Variants in TRIM14 observed in about 807,000 individuals in gnomAD.
TRIM14 encodes the protein tripartite motif containing 14, also known as tripartite motif-containing protein 14.
TRIM14 carries 28 observed loss-of-function variants against 44.5 expected under a neutral mutation model. The observed-to-expected ratio is 0.63, with a 90% CI of 0.47 to 0.86. The LOEUF (loss-of-function observed/expected upper bound fraction) is 0.86. Among genes scored for constraint, TRIM14 ranks in the 40% least tolerant of loss-of-function variants. The probability of loss-of-function intolerance (pLI) is 0.00; values close to 1 mark genes in which losing one functional copy is unlikely to be tolerated. For missense variants in TRIM14, 607 were observed against 611.1 expected (o/e 0.99, Z 0.07); for synonymous variants, 299 against 269.2 (o/e 1.11, Z -1.08).
the TRIM14 span, among the ~76,000 whole-genome samples, chr9:98,049,932 C>G: frequency 1.3e-5 from 2 of 152,190 alleles, no homozygotes; most frequent in Admixed American, 1.3e-4. Context: ...GATCAATGAG[C>G]AAGTCACGAA....
At chr9:98,108,984 C>CT (rs1166271683) in intron 2 of TRIM14, among the ~76,000 whole-genome samples, 2 of 150,388 alleles carry the variant, frequency 1.3e-5, no homozygotes, top group Non-Finnish European at 2.9e-5. Context: ...CTCAAGCGAT[C>CT]TTCCCACCCC....
chr9:98,094,344 G>T (rs756936431), intron 4 of TRIM14, among the ~76,000 whole-genome samples: 3 of 152,196 alleles, frequency 2.0e-5, no homozygotes, highest in Non-Finnish European at 4.4e-5. Context: ...CCCTTCACGT[G>T]CTTACAAGGG....
chr9:98,067,783 G>A (rs1036560295), downstream of TRIM14, among the ~76,000 whole-genome samples: 1 of 151,460 alleles, frequency 6.6e-6, no homozygotes, highest in Admixed American at 6.6e-5. Flanking sequence ...GCAGAGTGGT[G>A]CAATATCGGC....
chr9:98,041,969 C>T, the TRIM14 span, among the ~76,000 whole-genome samples: 5 of 151,714 alleles, frequency 3.3e-5, no homozygotes, highest in African/African-American at 1.2e-4. Context: ...AGGCAAGAGC[C>T]ACCGCGCCTG....
At chr9:98,043,073 T>A in the TRIM14 span, among the ~76,000 whole-genome samples, 1 of 152,140 alleles carries the variant, frequency 6.6e-6, no homozygotes, top group Non-Finnish European at 1.5e-5. Context: ...TAGAAGTACA[T>A]CTTATAGACT....
At chr9:98,115,878 C>T (rs1262165496) in intron 1 of TRIM14, 2 of 151,902 alleles carry the variant, frequency 1.3e-5, no homozygotes, top group Non-Finnish European at 2.9e-5. Flanking sequence ...TAAGAAGACC[C>T]TTGGGGGCCA....
At position 98,092,007 on chromosome 9, in the gene TRIM14, A is replaced by C. The variant is rs1826012385; in HGVS notation, c.701-6T>G. On this transcript the variant is annotated splice_polypyrimidine_tract_variant and splice_region_variant and intron_variant, in intron 4 of 5. Coordinates refer to ENST00000341469, the MANE Select transcript of TRIM14 (RefSeq NM_014788.4). ...TGAGAGCTGGCAGTTTATGCCTGTA[A>C]GGAATTGTTGAGAAATGAGCGCCCG... 6.2e-7 allele frequency: 1 copy of C among 1,602,508 alleles called. No homozygotes were observed. Among genetic ancestry groups the C allele is most frequent in the Non-Finnish European group, 8.5e-7 (1 of 1,172,966 alleles).
At chr9:98,093,855 C>T (rs1468098121) in intron 4 of TRIM14, among the ~76,000 whole-genome samples, 1 of 152,158 alleles carries the variant, frequency 6.6e-6, no homozygotes, top group East Asian at 1.9e-4. Context: ...AAGCAATTCT[C>T]CTGCCTCAGC....
chr9:98,063,839 A>G, the TRIM14 span, among the ~76,000 whole-genome samples: 7 of 150,686 alleles, frequency 4.6e-5, no homozygotes, highest in South Asian at 4.2e-4. Context: ...CACTGCACCC[A>G]GCCTGTTTTT....
downstream of TRIM14, among the ~76,000 whole-genome samples, chr9:98,069,080 A>G (rs1478370901): frequency 6.6e-6 from 1 of 152,146 alleles, no homozygotes; most frequent in Non-Finnish European, 1.5e-5. Context: ...ACCAGTTGTC[A>G]TTTGGTAATT....
At chr9:98,106,999 T>C (rs1299229278) in intron 2 of TRIM14, among the ~76,000 whole-genome samples, 2 of 152,116 alleles carry the variant, frequency 1.3e-5, no homozygotes, top group African/African-American at 4.8e-5. Flanking sequence ...GATGATTTTT[T>C]AGTTTTTTGT....
downstream of TRIM14, among the ~76,000 whole-genome samples, chr9:98,080,039 C>T (rs1403212395): frequency 1.3e-5 from 2 of 152,140 alleles, no homozygotes; most frequent in Admixed American, 6.5e-5. Context: ...TGTGGCGAAA[C>T]CCTGTCTCTA....
chr9:98,087,175 T>C lies in TRIM14; in HGVS notation c.*295A>G. 1.4e-6 allele frequency: 1 copy of C among 690,612 alleles called. No individual in the cohort carries two copies. The highest frequency in any genetic ancestry group is 2.8e-6 in the Non-Finnish European group (1 of 363,418). 42.8% of individuals were successfully genotyped at this position (690,612 alleles called of 1,614,324 possible). ...TGATGTATTCAGGATGCTGAGGGCT[T>C]ACCTGTGGGGGTATCACTTTGAAGG... is the stretch of plus-strand genomic sequence containing the variant. On this transcript the variant is annotated 3_prime_UTR_variant, in exon 6 of 6. Transcript: ENST00000341469.
chr9:98,052,056 C>G, the TRIM14 span, among the ~76,000 whole-genome samples: 6 of 152,136 alleles, frequency 3.9e-5, no homozygotes, highest in Non-Finnish European at 7.3e-5. Context: ...GCTAAAAGCT[C>G]TCTCACAATG....
At chr9:98,076,017 C>T (rs1371119573) in intron 6 of TRIM14, 2 of 152,012 alleles carry the variant, frequency 1.3e-5, no homozygotes, top group African/African-American at 4.8e-5. Flanking sequence ...TTGAAGAGCA[C>T]TAAATAGGTA....
At chr9:98,090,109 T>C (rs1825941854) in intron 5 of TRIM14, among the ~76,000 whole-genome samples, 1 of 152,126 alleles carries the variant, frequency 6.6e-6, no homozygotes, top group South Asian at 2.1e-4. Context: ...ATGTTCTAAA[T>C]GTAGTAGACA....
chr9:98,058,212 C>T, the TRIM14 span, among the ~76,000 whole-genome samples: 2 of 152,246 alleles, frequency 1.3e-5, no homozygotes, highest in African/African-American at 4.8e-5. Flanking sequence ...CCACCACCCT[C>T]GGCCCTTGCT....
chr9:98,038,220 T>G, the TRIM14 span, among the ~76,000 whole-genome samples: 19 of 152,088 alleles, frequency 1.2e-4, no homozygotes, highest in African/African-American at 4.6e-4. Context: ...CCAGCTAATG[T>G]TTTGTATTTT....
At chr9:98,056,897 AG>A in the TRIM14 span, 17 of 1,610,740 alleles carry the variant, frequency 1.1e-5, no homozygotes, top group Non-Finnish European at 1.4e-5. Flanking sequence ...CAGAACCACC[AG>A]GGCGACCTGG....
Sources: allele counts gnomAD v4.1 joint callset (sites outside exome capture counted in the v4.1 genomes callset), GRCh38; gene constraint gnomAD v4.1.1; transcripts MANE v1.5; gene names NCBI Gene and HGNC (gene_info 2026-07-23, HGNC 2026-07-21).